HSPA9: variants seen among roughly 807,000 people sequenced by gnomAD.
HSPA9 encodes stress-70 protein, mitochondrial.
HSPA9 carries 28 observed loss-of-function variants against 81.5 expected under a neutral mutation model. The observed-to-expected ratio is 0.34, with a 90% CI of 0.25 to 0.47. The LOEUF is 0.47. HSPA9 is among the 20% of genes least tolerant of loss of function. HSPA9 has a pLI of 1.00. For synonymous variants in HSPA9, 293 were observed against 290.4 expected (o/e 1.01, Z -0.09); for missense variants, 678 against 838.0 (o/e 0.81, Z 2.36).
intron 5 of HSPA9, 41 bp from the exon 6 acceptor site, chr5:138,567,763 C>T: frequency 1.4e-6 from 2 of 1,447,584 alleles, no homozygotes; most frequent in South Asian, 1.2e-5. Flanking sequence ...TCTGTCAGAA[C>T]AGAATTATTA....
intron 2 of HSPA9, 69 bp downstream of exon 2, chr5:138,573,999 C>G: frequency 7.4e-7 from 1 of 1,348,290 alleles, no homozygotes; most frequent in Non-Finnish European, 1.1e-6. Flanking sequence ...AGAATAATCA[C>G]AAATGTAGAA....
chr5:138,555,036 T>TA lies in HSPA9; in HGVS notation c.*1000dup, dbSNP rs1750489676. ...AAAATAGCCACCTTGGTTTTCATGT[T>TA]AGAGATCTAAAAACTTTCATGTTAG... On this transcript the variant is annotated 3_prime_UTR_variant, in exon 17 of 17. Transcript: ENST00000297185. 1 of 142,032 alleles carries TA rather than the reference T, an allele frequency of 7.0e-6. No individual in the cohort carries two copies. Among genetic ancestry groups the TA allele is most frequent in the Non-Finnish European group, 1.5e-5 (1 of 67,888 alleles). The allele number at this position is 142,032 out of a possible 1,614,324, so 8.8% of individuals were successfully genotyped here.
chr5:138,556,922 A>T, intron 14 of HSPA9, 56 bp from the exon 15 acceptor site: 1 of 1,158,996 alleles, frequency 8.6e-7, no homozygotes, highest in Non-Finnish European at 1.3e-6. Flanking sequence ...AGTTTGCTGA[A>T]TGTCTATACT....
At chr5:138,559,374 A>G (rs1483469080) in intron 11 of HSPA9, among the ~76,000 whole-genome samples, 1 of 152,150 alleles carries the variant, frequency 6.6e-6, no homozygotes, top group Non-Finnish European at 1.5e-5. Flanking sequence ...AAGTGCTGGG[A>G]TTACAGGCAT....
chr5:138,563,778 T>G (rs1353565962), intron 9 of HSPA9, among the ~76,000 whole-genome samples: 3 of 152,226 alleles, frequency 2.0e-5, no homozygotes, highest in Admixed American at 2.0e-4. Flanking sequence ...CTGATGAGCT[T>G]AAAACAAAAA....
In HSPA9 at chr5:138,554,511, G is replaced by A. The variant is rs1225562768; in HGVS notation, c.*1526C>T. Among the ~76,000 whole-genome samples, 1 of 152,174 alleles carries A rather than the reference G, an allele frequency of 6.6e-6. No individual in the cohort carries two copies. The highest frequency in any genetic ancestry group is 2.4e-5 in the African/African-American group (1 of 41,430). ...CACGAATCCCAAGAATCTTTTACAT[G>A]GGTGTTAACAAGCACTGAATCTTCC... On this transcript the variant is annotated 3_prime_UTR_variant, in exon 17 of 17. Transcript: ENST00000297185.
Position 138,558,542 on chromosome 5 carries a change from C to T in HSPA9, c.1515+11G>A, listed in dbSNP as rs1430848837. On this transcript the variant is annotated intron_variant, in intron 12 of 16. Transcript: ENST00000297185. Reference sequence around the variant, plus strand: ...AAGGAGGCATAGTATTCAGGATTCACAATAACCTACCAAAGTAAACTGTCC... The same window carrying T: ...AAGGAGGCATAGTATTCAGGATTCATAATAACCTACCAAAGTAAACTGTCC... 1 of 1,525,252 alleles carries T rather than the reference C, an allele frequency of 6.6e-7. No homozygotes were observed. Among genetic ancestry groups the T allele is most frequent in the East Asian group, 2.2e-5 (1 of 44,476 alleles). 94.5% of individuals were successfully genotyped at this position (1,525,252 alleles called of 1,614,324 possible). A position where few individuals can be genotyped will look rare whatever the true frequency, so the allele number is the denominator to read the frequency against.
Position 138,574,116 on chromosome 5 carries a change from T to G in HSPA9, c.92A>C (p.Asn31Thr), listed in dbSNP as rs1160655198. 1 of 1,613,728 alleles carries G rather than the reference T, an allele frequency of 6.2e-7. No individual in the cohort carries two copies. The highest frequency in any genetic ancestry group is 8.5e-7 in the Non-Finnish European group (1 of 1,179,644). The change falls in exon 2 of 17, where the codon AAT becomes ACT. Residue 31 changes from asparagine (N) to threonine (T), a missense_variant. Physicochemically the swap from Asn to Thr is moderately conservative, Grantham distance 65. Around this residue, in one of 4 missense-constraint regions of HSPA9, gnomAD observed 89 missense variants for 70.4 expected, o/e 1.27. Transcript: ENST00000297185. ...TCTAAAAGCCTCATGACTAAGGCCA[T>G]TCCAGCTATCCTAAAAAAGAAAAAA... Reference protein sequence around the residue: ...PTAARHQDSWNGLSHEAFRLV... With the variant: ...PTAARHQDSWTGLSHEAFRLV...
At chr5:138,567,974 TGA>T (rs1371172613) in intron 5 of HSPA9, among the ~76,000 whole-genome samples, 1 of 146,262 alleles carries the variant, frequency 6.8e-6, no homozygotes, top group Non-Finnish European at 1.5e-5. Flanking sequence ...CACCTAAGGT[TGA>T]GAGTTTTGAG....
chr5:138,557,332 C>T (rs1312760079), intron 14 of HSPA9, 70 bp downstream of exon 14: 2 of 1,053,784 alleles, frequency 1.9e-6, no homozygotes, highest in Non-Finnish European at 2.9e-6. Context: ...ACACTGCGCC[C>T]AGCCCCAAAC....
rs529207913 is a variant in HSPA9, at chr5:138,557,236, A to G, written c.1728+166T>C. The G allele has an allele frequency of 3.2e-4, 213 of 666,892 alleles. No individual in the cohort carries two copies. In the African/African-American group the frequency reaches 3.4e-3, roughly 11 times the overall value. 41.3% of individuals were successfully genotyped at this position (666,892 alleles called of 1,614,324 possible). ...TGCCTGAGCCTCCCAAGTAGCTGGGACTGCAGGCGTGCACCACCACGCCCG... is the reference window on the plus strand; with the variant it reads ...TGCCTGAGCCTCCCAAGTAGCTGGGGCTGCAGGCGTGCACCACCACGCCCG... On this transcript the variant is annotated intron_variant, in intron 14 of 16. Transcript: ENST00000297185.
Position 138,557,397 on chromosome 5 carries a change from A to G in HSPA9, c.1728+5T>C, listed in dbSNP as rs755958332. On this transcript the variant is annotated splice_donor_5th_base_variant and intron_variant, in intron 14 of 16. Coordinates refer to ENST00000297185, the MANE Select transcript of HSPA9 (RefSeq NM_004134.7). ...ATTAAAGTTCAGAAGACAAGAAGTAATCACCTTCTTTCGCCGGTCTTCTTC... is the reference window on the plus strand; with the variant it reads ...ATTAAAGTTCAGAAGACAAGAAGTAGTCACCTTCTTTCGCCGGTCTTCTTC... 2 of 1,576,912 alleles carry G rather than the reference A, an allele frequency of 1.3e-6. No individual in the cohort carries two copies. The highest frequency in any genetic ancestry group is 1.7e-6 in the Non-Finnish European group (2 of 1,147,158).
In HSPA9 at chr5:138,567,694, AT is replaced by A; in HGVS notation, c.563del (p.Asn188MetfsTer3). On this transcript the variant is annotated frameshift_variant, in exon 6 of 17. Coordinates refer to ENST00000297185, the MANE Select transcript of HSPA9 (RefSeq NM_004134.7). LOFTEE classifies it high-confidence loss of function. ...AENYLGHTAK[N>X]AVITVPAYFN... ...AATAAGCTGGGACTGTGATCACAGC[AT>A]TTTTTGCTGTGTGCCCCAAGTAATT... The A allele has an allele frequency of 6.2e-7, 1 of 1,613,848 alleles. No homozygotes were observed. Among genetic ancestry groups the A allele is most frequent in the Non-Finnish European group, 8.5e-7 (1 of 1,179,850 alleles).
chr5:138,573,640 CCAAAAAAAAAAAAAAAAAA>C, intron 3 of HSPA9, 104 bp downstream of exon 3: 1 of 423,648 alleles, frequency 2.4e-6, no homozygotes, highest in Admixed American at 4.7e-5. Context: ...GAGACTGTCT[CCAAAAAAAAAAAAAAAAAA>C]AAAAAAAAAG....
intron 1 of HSPA9, chr5:138,574,949 C>G (rs1751053916): frequency 1.8e-6 from 1 of 551,070 alleles, no homozygotes; most frequent in Non-Finnish European, 3.2e-6. Context: ...CCCCCAAGGC[C>G]AAACCTTTCC....
At chr5:138,566,964 T>C in intron 8 of HSPA9, 37 bp downstream of exon 8, 1 of 1,601,746 alleles carries the variant, frequency 6.2e-7, no homozygotes, top group East Asian at 2.2e-5. Context: ...TTTCTCAATA[T>C]CCCAACGTCT....
chr5:138,575,131 C>A, intron 1 of HSPA9, 107 bp downstream of exon 1: 1 of 750,222 alleles, frequency 1.3e-6, no homozygotes. Flanking sequence ...CCCGCCTGAC[C>A]TATACTGGAG....
chr5:138,558,941 G>A (rs141350009), intron 11 of HSPA9: 2 of 373,622 alleles, frequency 5.4e-6, no homozygotes, highest in East Asian at 1.2e-4. Context: ...GCTCATCTGG[G>A]GAAACGGGAT....
intron 5 of HSPA9, among the ~76,000 whole-genome samples, chr5:138,568,108 C>T (rs1750803781): frequency 6.6e-6 from 1 of 151,300 alleles, no homozygotes; most frequent in African/African-American, 2.4e-5. Context: ...TTGTTTGAAC[C>T]TGGGAGGCGG....
Sources: allele counts gnomAD v4.1 joint callset (sites outside exome capture counted in the v4.1 genomes callset), GRCh38; gene constraint gnomAD v4.1.1; regional missense constraint gnomAD v4.1.1; transcripts MANE v1.5; gene names NCBI Gene and HGNC (gene_info 2026-07-23, HGNC 2026-07-21).